ULK2: variants seen among roughly 807,000 people sequenced by gnomAD.
ULK2 encodes unc-51 like autophagy activating kinase 2, also known as serine/threonine-protein kinase ULK2.
Under a neutral mutation model 127.5 loss-of-function variants are expected in ULK2, and 76 were observed. The observed-to-expected ratio is 0.60, with a 90% CI of 0.50 to 0.72. ULK2 has a LOEUF of 0.72. ULK2 is among the 30% of genes least tolerant of loss of function. The pLI is 0.00. For synonymous variants in ULK2, 452 were observed against 461.9 expected, an observed-to-expected ratio of 0.98 and a Z score of 0.28; for missense variants, 1,144 against 1,295.9, an observed-to-expected ratio of 0.88 and a Z score of 1.80.
intron 5 of ULK2, among the ~76,000 whole-genome samples, chr17:19,847,978 C>T (rs1314394479): frequency 6.6e-6 from 1 of 152,182 alleles, no homozygotes; most frequent in East Asian, 1.9e-4. Flanking sequence ...GACAATCCCT[C>T]TGTGCCCACC....
At chr17:19,855,275 G>A (rs2042100811) in intron 3 of ULK2, among the ~76,000 whole-genome samples, 1 of 151,766 alleles carries the variant, frequency 6.6e-6, no homozygotes, top group Non-Finnish European at 1.5e-5. Context: ...ATGGTGGCGG[G>A]CGCCTGTAGT....
intron 3 of ULK2, among the ~76,000 whole-genome samples, chr17:19,853,138 A>ATTT (rs113112588): frequency 1.4e-5 from 2 of 143,722 alleles, no homozygotes; most frequent in Non-Finnish European, 1.5e-5. Flanking sequence ...AATTTTTTTA[A>ATTT]TTTTTTTTTT....
chr17:19,805,744 T>C (rs921203252), intron 14 of ULK2, among the ~76,000 whole-genome samples: 2 of 152,068 alleles, frequency 1.3e-5, no homozygotes, highest in Admixed American at 6.6e-5. Flanking sequence ...TTGCTGGAGC[T>C]TCAGCAGATA....
chr17:19,785,733 C>T (rs1367510999), intron 21 of ULK2, among the ~76,000 whole-genome samples: 1 of 151,818 alleles, frequency 6.6e-6, no homozygotes, highest in Non-Finnish European at 1.5e-5. Flanking sequence ...TAGCACTTTA[C>T]AAAGTTTTTT....
intron 13 of ULK2, among the ~76,000 whole-genome samples, chr17:19,814,448 T>TGTTGTTTG (rs1467778986): frequency 1.2e-4 from 1 of 8,092 alleles, no homozygotes; most frequent in Non-Finnish European, 3.8e-4. Flanking sequence ...ATTTTTTTTT[T>TGTTGTTTG]TTTTTTTTTT....
chr17:19,856,050 A>G (rs1027143159), intron 3 of ULK2: 1 of 152,248 alleles, frequency 6.6e-6, no homozygotes. Context: ...ATAAAAATAA[A>G]TGTACAGTTC....
At chr17:19,822,703 T>G (rs1363651946) in intron 12 of ULK2, among the ~76,000 whole-genome samples, 3 of 151,942 alleles carry the variant, frequency 2.0e-5, no homozygotes, top group Middle Eastern at 6.8e-3. Context: ...TTTTTTTTTA[T>G]TGAGATGGAG....
chr17:19,861,753 A>G (rs902087617), intron 3 of ULK2, among the ~76,000 whole-genome samples: 3 of 152,182 alleles, frequency 2.0e-5, no homozygotes, highest in African/African-American at 7.2e-5. Flanking sequence ...AGGAGAACCA[A>G]CATTTCAACT....
At chr17:19,835,758 T>TA (rs35188206) in intron 10 of ULK2, among the ~76,000 whole-genome samples, 1,863 of 143,580 alleles carry the variant, frequency 0.013, 16 homozygotes, top group Non-Finnish European at 0.02. Context: ...GAGCAATCAT[T>TA]AAAAAAAAAA....
intron 14 of ULK2, 40 bp downstream of exon 14, chr17:19,810,338 T>C (rs778624817): frequency 7.4e-7 from 1 of 1,347,914 alleles, no homozygotes; most frequent in Non-Finnish European, 1.0e-6. Context: ...AAAAATAAAA[T>C]ATAAAACAAA....
chr17:19,794,712 A>G (rs757301770), intron 20 of ULK2, among the ~76,000 whole-genome samples: 1 of 91,766 alleles, frequency 1.1e-5, no homozygotes, highest in Non-Finnish European at 2.2e-5. Flanking sequence ...GGAAAATTAA[A>G]AAGTCATAGA....
intron 7 of ULK2, among the ~76,000 whole-genome samples, chr17:19,844,022 G>A (rs553283317): frequency 3.4e-4 from 51 of 152,036 alleles, no homozygotes; most frequent in Non-Finnish European, 6.2e-4. Context: ...TGTGAAATAC[G>A]GATGGTGGGT....
chr17:19,787,953 C>T, intron 20 of ULK2, among the ~76,000 whole-genome samples: 1 of 152,206 alleles, frequency 6.6e-6, no homozygotes, highest in East Asian at 1.9e-4. Flanking sequence ...GAACTCAGTG[C>T]TGTCCTGTCA....
chr17:19,796,175 T>C lies in ULK2; in HGVS notation c.1917A>G (p.Pro639=), dbSNP rs1159167701. 1 of 1,614,100 alleles carries C rather than the reference T, an allele frequency of 6.2e-7. No individual in the cohort carries two copies. The highest frequency in any genetic ancestry group is 8.5e-7 in the Non-Finnish European group (1 of 1,180,038). Residue 639 remains proline (P), a synonymous_variant, in exon 19 of 27, where the codon CCA becomes CCG. Transcript: ENST00000395544. ...CTAAGAGGCAATGGGCACATTCCCG[T>C]GGCTCATTCCCATCTTTCGACTGTT... The part of the protein sequence containing the change: ...AEEQSKDGNE[P]RECAHCLLVQ...
intron 7 of ULK2, 143 bp from the exon 8 acceptor site, chr17:19,843,365 A>G (rs2041809625): frequency 2.0e-6 from 1 of 506,422 alleles, no homozygotes; most frequent in East Asian, 3.3e-5. Context: ...ATCAAATAAT[A>G]AGGCAAAGAA....
Position 19,810,473 on chromosome 17 carries a change from T to C in ULK2, c.1097-35A>G, listed in dbSNP as rs781150853. The C allele has an allele frequency of 2.7e-5, 38 of 1,397,682 alleles. No homozygotes were observed. In the East Asian group the frequency reaches 6.1e-4, roughly 22 times the overall value. 86.6% of individuals were successfully genotyped at this position (1,397,682 alleles called of 1,614,324 possible). Reference sequence around the variant, plus strand: ...AGAAAAGAACAATCAGTTCCTGTTATACCATCTGCTTAAAAAAACACAAAT... The same window carrying C: ...AGAAAAGAACAATCAGTTCCTGTTACACCATCTGCTTAAAAAAACACAAAT... On this transcript the variant is annotated intron_variant, in intron 13 of 26. Transcript: ENST00000395544.
chr17:19,799,745 G>A (rs1015579229), intron 16 of ULK2, among the ~76,000 whole-genome samples, 170 bp from the exon 17 acceptor site: 2 of 152,178 alleles, frequency 1.3e-5, no homozygotes, highest in African/African-American at 4.8e-5. Context: ...CCAATCCGCT[G>A]GGTGCTGCAC....
intron 15 of ULK2, 87 bp from the exon 16 acceptor site, chr17:19,802,009 CGGA>C: frequency 6.9e-7 from 1 of 1,442,474 alleles, no homozygotes. Flanking sequence ...CAATATGCCA[CGGA>C]GTAGTTTTCA....
rs2087071421 is a variant in ULK2 at position 19,787,982 on chromosome 17, T to C, written c.2102-1896A>G. 2.0e-5 allele frequency among the ~76,000 whole-genome samples: 3 copies of C among 152,190 alleles called. No individual in the cohort carries two copies. The South Asian group carries it at 6.2e-4, about 32-fold the overall frequency. ...CCTGTCACAGTGCAAAGGAAAACCA[T>C]GCTGAACTCAGCTGGTGTCCGCCCA... On this transcript the variant is annotated intron_variant, in intron 20 of 26. Transcript: ENST00000395544.
Sources: gnomAD v4.1 joint callset for allele counts (sites outside exome capture counted in the v4.1 genomes callset) on GRCh38, gnomAD v4.1.1 for gene constraint, MANE v1.5 for transcripts, NCBI Gene and HGNC (gene_info 2026-07-23, HGNC 2026-07-21) for gene names.